KLF8: variants seen among roughly 807,000 people sequenced by gnomAD.
KLF8 encodes the protein Krueppel-like factor 8.
KLF8 carries 10 observed loss-of-function variants against 18.2 expected under a neutral mutation model. That is an observed-to-expected ratio of 0.55 (90% CI 0.34 to 0.93). The LOEUF is 0.93. KLF8 is among the 40% of genes least tolerant of loss of function. KLF8 has a pLI of 0.02. For missense variants in KLF8, 264 were observed against 277.9 expected, an observed-to-expected ratio of 0.95 and a Z score of 0.36; for synonymous variants, 109 against 97.3, an observed-to-expected ratio of 1.12 and a Z score of -0.71.
the KLF8 span, among the ~76,000 whole-genome samples, chrX:55,926,106 A>T: frequency 8.9e-6 from 1 of 111,857 alleles, no homozygotes; most frequent in African/African-American, 3.3e-5. Flanking sequence ...TGTGGTCATG[A>T]TGTGTAACCT....
At chrX:55,927,079 G>T in the KLF8 span, among the ~76,000 whole-genome samples, 2 of 112,048 alleles carry the variant, frequency 1.8e-5, no homozygotes, top group Non-Finnish European at 3.8e-5. Flanking sequence ...TGATCAGAAA[G>T]AGGTTTTAGA....
chrX:55,937,946 C>A, the KLF8 span, among the ~76,000 whole-genome samples: 1 of 112,148 alleles, frequency 8.9e-6, no homozygotes, highest in African/African-American at 3.2e-5. Flanking sequence ...TCACAAAACA[C>A]TGTGCAGGCT....
chrX:55,954,829 C>T, the KLF8 span, among the ~76,000 whole-genome samples: 3 of 111,539 alleles, frequency 2.7e-5, no homozygotes, highest in African/African-American at 6.5e-5. Context: ...ATAGTATATC[C>T]GTACAATGGA....
chrX:56,056,993 T>G, the KLF8 span, among the ~76,000 whole-genome samples: 1 of 111,704 alleles, frequency 9.0e-6, no homozygotes, highest in Non-Finnish European at 1.9e-5. Flanking sequence ...ACAGCAGCAG[T>G]CTGGCAGGGT....
At chrX:55,917,753 G>C in the KLF8 span, among the ~76,000 whole-genome samples, 2 of 111,817 alleles carry the variant, frequency 1.8e-5, no homozygotes, top group African/African-American at 6.5e-5. Flanking sequence ...GCTTCTGAGT[G>C]CCCAGAACTG....
chrX:56,091,475 G>A, the KLF8 span, among the ~76,000 whole-genome samples: 3 of 111,064 alleles, frequency 2.7e-5, no homozygotes, highest in Non-Finnish European at 5.7e-5. Flanking sequence ...AAACATAAAA[G>A]TATAGGTATC....
the KLF8 span, among the ~76,000 whole-genome samples, chrX:56,220,494 CTTTT>C: frequency 9.2e-6 from 1 of 109,205 alleles, no homozygotes; most frequent in Non-Finnish European, 1.9e-5. Flanking sequence ...CTTTCCTTTT[CTTTT>C]TTTTTGAGAA....
chrX:55,960,506 A>T, the KLF8 span, among the ~76,000 whole-genome samples: 3 of 110,370 alleles, frequency 2.7e-5, no homozygotes, highest in Non-Finnish European at 1.9e-5. Flanking sequence ...CAAGAGTGAA[A>T]CTCTGTCAAA....
At chrX:56,199,604 G>T in the KLF8 span, among the ~76,000 whole-genome samples, 1 of 111,884 alleles carries the variant, frequency 8.9e-6, no homozygotes, top group Non-Finnish European at 1.9e-5. Context: ...AGGACGTTGA[G>T]AAATAAGAAT....
chrX:56,167,457 C>A, the KLF8 span, among the ~76,000 whole-genome samples: 1 of 111,909 alleles, frequency 8.9e-6, no homozygotes, highest in Non-Finnish European at 1.9e-5. Flanking sequence ...GAGCTCTTCT[C>A]CAGTACGCTC....
chrX:56,192,687 A>T, the KLF8 span, among the ~76,000 whole-genome samples: 1 of 112,248 alleles, frequency 8.9e-6, no homozygotes, highest in Non-Finnish European at 1.9e-5. Context: ...TTTTTGACAA[A>T]GGTGCCAATA....
At chrX:56,262,066 A>G (rs1367154309) in intron 2 of KLF8, among the ~76,000 whole-genome samples, 1 of 112,282 alleles carries the variant, frequency 8.9e-6, no homozygotes, top group Non-Finnish European at 1.9e-5. Context: ...TGAGGAAGTT[A>G]CTATTAAGAT....
At chrX:56,164,729 C>CTTTTTTTTTT in the KLF8 span, among the ~76,000 whole-genome samples, 1 of 51,916 alleles carries the variant, frequency 1.9e-5, no homozygotes, top group East Asian at 6.3e-4. Context: ...CTTGTTATCT[C>CTTTTTTTTTT]TTTTTTTTTT....
chrX:56,008,681 TGA>T, the KLF8 span, among the ~76,000 whole-genome samples: 1 of 112,005 alleles, frequency 8.9e-6, no homozygotes, highest in African/African-American at 3.2e-5. Flanking sequence ...GCCTGCTGCC[TGA>T]GATGACTGAG....
chrX:56,193,390 C>T, the KLF8 span, among the ~76,000 whole-genome samples: 3 of 111,678 alleles, frequency 2.7e-5, no homozygotes, highest in Non-Finnish European at 3.8e-5. Flanking sequence ...GTTAGTACAA[C>T]CACCATGGAG....
At chrX:56,124,128 A>G in the KLF8 span, among the ~76,000 whole-genome samples, 2 of 111,614 alleles carry the variant, frequency 1.8e-5, no homozygotes, top group Non-Finnish European at 3.8e-5. Context: ...ATAGGACTTA[A>G]AGCAGGAAGC....
chrX:56,248,571 T>C (rs1419158771), intron 1 of KLF8, among the ~76,000 whole-genome samples: 5 of 111,696 alleles, frequency 4.5e-5, no homozygotes, highest in Non-Finnish European at 9.4e-5. Context: ...TTGTACTTGC[T>C]AGAAATAATG....
chrX:56,006,181 A>G, the KLF8 span, among the ~76,000 whole-genome samples: 2 of 112,030 alleles, frequency 1.8e-5, no homozygotes, highest in Admixed American at 9.4e-5. Flanking sequence ...TGGAATCTCC[A>G]CAGCCTGGAG....
chrX:56,111,276 C>T, the KLF8 span, among the ~76,000 whole-genome samples: 1 of 111,776 alleles, frequency 8.9e-6, no homozygotes, highest in African/African-American at 3.3e-5. Flanking sequence ...CTCTCTTTCT[C>T]TTGGCTTTCA....
Sources: gnomAD v4.1 joint callset for allele counts (sites outside exome capture counted in the v4.1 genomes callset) on GRCh38, gnomAD v4.1.1 for gene constraint, MANE v1.5 for transcripts, NCBI Gene and HGNC (gene_info 2026-07-23, HGNC 2026-07-21) for gene names.